Variants in NBEAL1 observed in about 807,000 individuals in gnomAD.
The protein encoded by NBEAL1 is neurobeachin-like protein 1.
A neutral mutation model predicts 351.3 loss-of-function variants in NBEAL1; 273 were observed. That is an observed-to-expected ratio of 0.78 (90% CI 0.70 to 0.86). The LOEUF (loss-of-function observed/expected upper bound fraction) is 0.86. NBEAL1 is among the 40% of genes least tolerant of loss of function. The pLI, the probability that NBEAL1 is intolerant of heterozygous loss-of-function variation, is 0.00. For missense variants in NBEAL1, 2,961 were observed against 3,201.3 expected (o/e 0.92, Z 1.81); for synonymous variants, 1,050 against 1,086.4 (o/e 0.97, Z 0.66).
intron 34 of NBEAL1, among the ~76,000 whole-genome samples, chr2:203,150,831 TGA>T (rs570356116): frequency 1.6e-4 from 25 of 152,152 alleles, no homozygotes; most frequent in Non-Finnish European, 3.1e-4. Flanking sequence ...CATTTAACAG[TGA>T]GAGAGTAAAG....
At chr2:203,047,429 GATAACTTCC>G (rs1157533856) in intron 3 of NBEAL1, among the ~76,000 whole-genome samples, 4 of 152,124 alleles carry the variant, frequency 2.6e-5, no homozygotes, top group Non-Finnish European at 5.9e-5. Flanking sequence ...CTACTTGTAT[GATAACTTCC>G]ATTTTTTAGA....
intron 38 of NBEAL1, 133 bp downstream of exon 38, chr2:203,167,493 G>A: frequency 1.1e-6 from 1 of 905,996 alleles, no homozygotes; most frequent in Non-Finnish European, 1.6e-6. Flanking sequence ...CATACTTTGG[G>A]GGCTAATCAG....
chr2:203,151,020 G>A (rs1368396652), intron 34 of NBEAL1, among the ~76,000 whole-genome samples: 2 of 152,174 alleles, frequency 1.3e-5, no homozygotes, highest in Non-Finnish European at 2.9e-5. Flanking sequence ...GATAAAAAAT[G>A]TGAGCAGTTT....
chr2:203,157,263 G>A (rs1182519320), intron 35 of NBEAL1, among the ~76,000 whole-genome samples: 1 of 151,952 alleles, frequency 6.6e-6, no homozygotes, highest in African/African-American at 2.4e-5. Context: ...TTTCGCTCTT[G>A]GTCTGTGTAT....
intron 18 of NBEAL1, among the ~76,000 whole-genome samples, chr2:203,117,094 T>C (rs1429135045): frequency 1.3e-5 from 2 of 151,484 alleles, no homozygotes; most frequent in Non-Finnish European, 2.9e-5. Context: ...AGACTGAGAC[T>C]CCATCTCAAA....
chr2:203,186,856 G>A (rs2064911478), intron 44 of NBEAL1, among the ~76,000 whole-genome samples: 1 of 152,148 alleles, frequency 6.6e-6, no homozygotes, highest in Non-Finnish European at 1.5e-5. Flanking sequence ...CTTTGGGCTG[G>A]ATGGGTGGCT....
At position 203,208,662 on chromosome 2, in the gene NBEAL1, C is replaced by T; in HGVS notation, c.7532C>T (p.Ser2511Phe). ...GGAGGTGTTCCTGTGGGCTTAGCAT[C>T]TAAACCTTTTCAGATTCTTTATGGA... ...QQGGVPVGLA[S>F]KPFQILYGHT... The change falls in exon 52 of 56, where the codon TCT becomes TTT. Residue 2511 changes from serine to phenylalanine, a missense_variant. Coordinates refer to ENST00000683969, the MANE Select transcript of NBEAL1 (RefSeq NM_001378026.1). 4 of 1,612,316 alleles carry T rather than the reference C, an allele frequency of 2.5e-6. No individual in the cohort carries two copies. The highest frequency in any genetic ancestry group is 1.3e-5 in the African/African-American group (1 of 74,966).
Position 203,209,091 on chromosome 2 carries a change from C to T in NBEAL1, c.7624-70C>T, listed in dbSNP as rs1256264817. 8.7e-6 allele frequency: 11 copies of T among 1,271,290 alleles called. No homozygotes were observed. The Admixed American group carries it at 2.1e-4, about 24-fold the overall frequency. The allele number at this position is 1,271,290 out of a possible 1,614,324, so 78.8% of individuals were successfully genotyped here. A position where few individuals can be genotyped will look rare whatever the true frequency, so the allele number is the denominator to read the frequency against. Reference sequence around the variant, plus strand: ...TTCCCACATTTCTTTATCTGGCCCACTCTACTTTTATTCTTTTTTGCTGTT... The same window carrying T: ...TTCCCACATTTCTTTATCTGGCCCATTCTACTTTTATTCTTTTTTGCTGTT... On this transcript the variant is annotated intron_variant, in intron 52 of 55. Coordinates refer to ENST00000683969, the MANE Select transcript of NBEAL1 (RefSeq NM_001378026.1).
chr2:203,073,757 T>C (rs2061720307), intron 7 of NBEAL1, among the ~76,000 whole-genome samples: 1 of 152,254 alleles, frequency 6.6e-6, no homozygotes, highest in African/African-American at 2.4e-5. Flanking sequence ...TTATCTTTAA[T>C]ATTAACTTCC....
chr2:203,197,499 T>A (rs529609716), intron 48 of NBEAL1, 108 bp downstream of exon 48: 1 of 701,908 alleles, frequency 1.4e-6, no homozygotes, highest in African/African-American at 1.8e-5. Context: ...CTGTGCATGG[T>A]GGTTCATGCC....
intron 44 of NBEAL1, among the ~76,000 whole-genome samples, chr2:203,187,143 C>T (rs1400985633): frequency 1.3e-5 from 2 of 152,078 alleles, no homozygotes; most frequent in Non-Finnish European, 2.9e-5. Flanking sequence ...CAACTCACTG[C>T]AGCCGTGTCC....
At chr2:203,188,438 T>C (rs895568455) in intron 44 of NBEAL1, 34 bp from the exon 45 acceptor site, 2 of 1,162,648 alleles carry the variant, frequency 1.7e-6, no homozygotes, top group Non-Finnish European at 2.4e-6. Flanking sequence ...GGAAGATATC[T>C]CTATATTAAT....
intron 48 of NBEAL1, among the ~76,000 whole-genome samples, chr2:203,198,129 C>T (rs1387451024): frequency 1.3e-5 from 2 of 149,724 alleles, no homozygotes; most frequent in South Asian, 2.1e-4. Context: ...CCTTCCACCT[C>T]GGCCTCCTGA....
intron 10 of NBEAL1, among the ~76,000 whole-genome samples, chr2:203,086,842 C>T (rs914579364): frequency 6.6e-6 from 1 of 150,596 alleles, no homozygotes. Context: ...GCCTGCTTTT[C>T]TTGTATTTCT....
chr2:203,068,271 A>C, intron 6 of NBEAL1, 122 bp from the exon 7 acceptor site: 1 of 478,956 alleles, frequency 2.1e-6, no homozygotes, highest in Non-Finnish European at 3.7e-6. Flanking sequence ...CGGATCCTAG[A>C]GATACATAGT....
At chr2:203,030,086 T>C (rs2060926436) in intron 2 of NBEAL1, among the ~76,000 whole-genome samples, 1 of 152,228 alleles carries the variant, frequency 6.6e-6, no homozygotes, top group African/African-American at 2.4e-5. Flanking sequence ...TTACAGAAGA[T>C]GTTCCAGGCA....
At chr2:203,093,230 TAAAAAAAA>T (rs139917037) in intron 10 of NBEAL1, among the ~76,000 whole-genome samples, 2 of 49,856 alleles carry the variant, frequency 4.0e-5, no homozygotes, top group African/African-American at 7.3e-5. Context: ...AGACTCTGTC[TAAAAAAAA>T]AAAAAAAAAA....
At chr2:203,104,234 TGA>T (rs1424325576) in intron 12 of NBEAL1, among the ~76,000 whole-genome samples, 5 of 152,172 alleles carry the variant, frequency 3.3e-5, no homozygotes, top group African/African-American at 1.2e-4. Context: ...GCTTCTGTGT[TGA>T]GTGTGTATAT....
intron 7 of NBEAL1, among the ~76,000 whole-genome samples, chr2:203,073,138 A>C (rs1254944242): frequency 1.3e-5 from 2 of 152,152 alleles, no homozygotes; most frequent in African/African-American, 4.8e-5. Flanking sequence ...TCCTGGGTTC[A>C]AGTGATCTTA....
Sources: allele counts gnomAD v4.1 joint callset (sites outside exome capture counted in the v4.1 genomes callset), GRCh38; gene constraint gnomAD v4.1.1; transcripts MANE v1.5; gene names NCBI Gene and HGNC (gene_info 2026-07-23, HGNC 2026-07-21).